The following PCDH9 variants were observed in gnomAD, a reference collection of about 807,000 sequenced individuals.
PCDH9 encodes the protein protocadherin-9.
Under a neutral mutation model 70.6 loss-of-function variants are expected in PCDH9, and 24 were observed. The ratio of observed to expected loss-of-function variants is 0.34; its 90% CI spans 0.25 to 0.48. The LOEUF (loss-of-function observed/expected upper bound fraction) is 0.48. PCDH9 is among the 20% of genes least tolerant of loss of function. The probability of loss-of-function intolerance (pLI) is 0.99; values close to 1 mark genes in which losing one functional copy is unlikely to be tolerated. For synonymous variants in PCDH9, 562 were observed against 558.5 expected, an observed-to-expected ratio of 1.01 and a Z score of -0.09; for missense variants, 1,281 against 1,503.6, an observed-to-expected ratio of 0.85 and a Z score of 2.45.
chr13:66,654,116 A>G (rs190605977), intron 3 of PCDH9, among the ~76,000 whole-genome samples: 62 of 152,324 alleles, frequency 4.1e-4, no homozygotes, highest in African/African-American at 1.5e-3. Context: ...CATAAACACA[A>G]TGGAATATTA....
intron 4 of PCDH9, among the ~76,000 whole-genome samples, chr13:66,443,186 C>G (rs908660424): frequency 6.6e-6 from 1 of 152,132 alleles, no homozygotes. Context: ...ATAAAATAAA[C>G]AGATTTAAGA....
At chr13:67,085,906 G>A (rs574986547) in intron 2 of PCDH9, among the ~76,000 whole-genome samples, 12 of 152,208 alleles carry the variant, frequency 7.9e-5, no homozygotes, top group East Asian at 5.8e-4. Flanking sequence ...GGTAATGTTC[G>A]GTTTCAGAAT....
intron 4 of PCDH9, among the ~76,000 whole-genome samples, chr13:66,459,198 G>T (rs1208751275): frequency 6.6e-6 from 1 of 151,960 alleles, no homozygotes; most frequent in African/African-American, 2.4e-5. Flanking sequence ...CTGTGGAGAG[G>T]TTGACCCAGA....
chr13:66,332,071 T>A (rs1025234117), intron 4 of PCDH9, among the ~76,000 whole-genome samples: 5 of 152,050 alleles, frequency 3.3e-5, no homozygotes, highest in African/African-American at 1.2e-4. Flanking sequence ...TGCCAGCAGG[T>A]GTTTGCTAAA....
Position 66,864,898 on chromosome 13 carries a change from A to C in PCDH9, c.3138+38606T>G, listed in dbSNP as rs1594171516. ...GTGTTGAACAAAAGTACTAAGAAAG[A>C]AAGCCCAGCACATGTTCTCAATCAC... On this transcript the variant is annotated intron_variant, in intron 3 of 4. Coordinates refer to ENST00000377865, the MANE Select transcript of PCDH9 (RefSeq NM_203487.3). Among the ~76,000 whole-genome samples the C allele has an allele frequency of 2.0e-5, 3 of 152,244 alleles. No individual in the cohort carries two copies. In the South Asian group the frequency reaches 6.2e-4, roughly 31 times the overall value.
intron 2 of PCDH9, among the ~76,000 whole-genome samples, chr13:66,945,387 A>C (rs184478006): frequency 4.4e-4 from 67 of 152,240 alleles, no homozygotes; most frequent in Non-Finnish European, 8.7e-4. Context: ...ATACGTACAT[A>C]GTGAAAATTG....
intron 3 of PCDH9, among the ~76,000 whole-genome samples, chr13:66,712,917 C>A (rs991196283): frequency 1.3e-5 from 2 of 152,146 alleles, no homozygotes; most frequent in South Asian, 2.1e-4. Context: ...AAAGTGCTTG[C>A]AAACATGAAA....
intron 3 of PCDH9, among the ~76,000 whole-genome samples, chr13:66,675,874 C>T (rs1176222880): frequency 6.6e-5 from 10 of 152,062 alleles, no homozygotes; most frequent in Non-Finnish European, 1.2e-4. Flanking sequence ...GCTTTTTGTT[C>T]GCAGAAGTAT....
chr13:66,617,871 AC>A lies in PCDH9; in HGVS notation c.3340+13338del, dbSNP rs1340601125. Among the ~76,000 whole-genome samples the A allele has an allele frequency of 1.3e-3, 202 of 152,232 alleles. 1 individual carries two copies. Among genetic ancestry groups the A allele is most frequent in the African/African-American group, 4.6e-3 (193 of 41,540 alleles). On this transcript the variant is annotated intron_variant, in intron 4 of 4. Transcript: ENST00000377865. ...GACCTCAGACTGCCGTTTCCACAAAACGGCGTCCCCTGTCAGCAGGAAGCAG... is the reference window on the plus strand; with the variant it reads ...GACCTCAGACTGCCGTTTCCACAAAAGGCGTCCCCTGTCAGCAGGAAGCAG...
intron 3 of PCDH9, among the ~76,000 whole-genome samples, chr13:66,753,753 A>G (rs1251494510): frequency 6.6e-6 from 1 of 152,182 alleles, no homozygotes; most frequent in African/African-American, 2.4e-5. Flanking sequence ...CAACACTGCT[A>G]AATCATTCTA....
intron 4 of PCDH9, among the ~76,000 whole-genome samples, chr13:66,441,627 G>C (rs1490193951): frequency 1.3e-5 from 2 of 151,960 alleles, no homozygotes; most frequent in African/African-American, 4.8e-5. Context: ...AGTTTCCAAA[G>C]CTAACGAGTT....
chr13:66,880,802 A>C (rs1294805496), intron 3 of PCDH9, among the ~76,000 whole-genome samples: 1 of 152,218 alleles, frequency 6.6e-6, no homozygotes, highest in Non-Finnish European at 1.5e-5. Flanking sequence ...TATTTCCTTT[A>C]ACTTGTCATA....
intron 2 of PCDH9, among the ~76,000 whole-genome samples, chr13:66,971,649 C>T (rs1363132030): frequency 6.6e-6 from 1 of 151,916 alleles, no homozygotes; most frequent in East Asian, 1.9e-4. Flanking sequence ...GACTGCAAAT[C>T]TAATGCACAC....
At chr13:66,932,777 A>G (rs955679884) in intron 2 of PCDH9, among the ~76,000 whole-genome samples, 4 of 150,634 alleles carry the variant, frequency 2.7e-5, no homozygotes, top group African/African-American at 9.8e-5. Context: ...TTTAACTTAT[A>G]CATTACAAAT....
chr13:67,156,219 A>G (rs2087808702), intron 2 of PCDH9, among the ~76,000 whole-genome samples: 1 of 152,078 alleles, frequency 6.6e-6, no homozygotes, highest in South Asian at 2.1e-4. Context: ...CCATCCTGTG[A>G]CTATAAAAAC....
At chr13:66,790,999 G>A (rs949579415) in intron 3 of PCDH9, among the ~76,000 whole-genome samples, 3 of 152,056 alleles carry the variant, frequency 2.0e-5, no homozygotes, top group Non-Finnish European at 4.4e-5. Flanking sequence ...CTAAACAGGC[G>A]ATTTACCATT....
At chr13:67,194,670 C>T (rs1026351398) in intron 2 of PCDH9, among the ~76,000 whole-genome samples, 14 of 152,006 alleles carry the variant, frequency 9.2e-5, no homozygotes, top group African/African-American at 3.1e-4. Context: ...TTAGGTTTAC[C>T]ACCATTTAAA....
intron 4 of PCDH9, among the ~76,000 whole-genome samples, chr13:66,563,232 T>G (rs916394619): frequency 6.6e-6 from 1 of 152,138 alleles, no homozygotes; most frequent in Non-Finnish European, 1.5e-5. Flanking sequence ...TTCCCAGTTC[T>G]CTAAACAGCA....
In PCDH9 at chr13:66,802,766, T is replaced by A. The variant is rs944962086; in HGVS notation, c.3138+100738A>T. Among the ~76,000 whole-genome samples, 18 of 152,240 alleles carry A rather than the reference T, an allele frequency of 1.2e-4. No homozygotes were observed. In the East Asian group the frequency reaches 2.1e-3, roughly 18 times the overall value. ...GAGAATAACAAAAAATCTTGGCATATAACAATTTCTTACAGTTTTCTCTTT... is the reference window on the plus strand; with the variant it reads ...GAGAATAACAAAAAATCTTGGCATAAAACAATTTCTTACAGTTTTCTCTTT... On this transcript the variant is annotated intron_variant, in intron 3 of 4. Transcript: ENST00000377865.
Sources: allele counts gnomAD v4.1 joint callset (sites outside exome capture counted in the v4.1 genomes callset), GRCh38; gene constraint gnomAD v4.1.1; transcripts MANE v1.5; gene names NCBI Gene and HGNC (gene_info 2026-07-23, HGNC 2026-07-21).